The following PAPPA variants were observed in gnomAD, a reference collection of about 807,000 sequenced individuals.
The protein encoded by PAPPA is pappalysin 1.
PAPPA carries 60 observed loss-of-function variants against 164.0 expected under a neutral mutation model. That is an observed-to-expected ratio of 0.37 (90% CI 0.30 to 0.45). PAPPA has a LOEUF of 0.45. Among genes scored for constraint, PAPPA ranks in the 20% least tolerant of loss-of-function variants. The pLI, the probability that PAPPA is intolerant of heterozygous loss-of-function variation, is 1.00. For synonymous variants in PAPPA, 875 were observed against 814.1 expected (o/e 1.07, Z -1.27); for missense variants, 1,782 against 2,087.3 (o/e 0.85, Z 2.85).
intron 1 of PAPPA, among the ~76,000 whole-genome samples, chr9:116,177,353 C>A (rs1843849497): frequency 6.6e-6 from 1 of 152,184 alleles, no homozygotes; most frequent in Admixed American, 6.5e-5. Flanking sequence ...CCCTCACATG[C>A]ATTTCTTTAT....
chr9:116,317,655 A>G (rs1007049610), intron 10 of PAPPA, among the ~76,000 whole-genome samples: 3 of 152,214 alleles, frequency 2.0e-5, no homozygotes, highest in Admixed American at 1.3e-4. Context: ...CTGGTCCAGA[A>G]CTTAGAAGTG....
chr9:116,312,854 C>T (rs767358341), intron 10 of PAPPA, among the ~76,000 whole-genome samples: 3 of 152,008 alleles, frequency 2.0e-5, no homozygotes, highest in Non-Finnish European at 4.4e-5. Flanking sequence ...GAGGCCAGGG[C>T]AGGCGGATCA....
In PAPPA at chr9:116,368,337, G is replaced by GCACAGTT. The variant is rs1485667018; in HGVS notation, c.4605+584_4605+590dup. 2.0e-5 allele frequency among the ~76,000 whole-genome samples: 3 copies of GCACAGTT among 152,216 alleles called. No homozygotes were observed. The East Asian group carries it at 5.8e-4, about 29-fold the overall frequency. On this transcript the variant is annotated intron_variant, in intron 19 of 21. Transcript: ENST00000328252. ...GCACGAAGACTCCATTTTAGCCTCAGCACAGTTGTATGAGAGAAGGGTCAT... is the reference window on the plus strand; with the variant it reads ...GCACGAAGACTCCATTTTAGCCTCAGCACAGTTCACAGTTGTATGAGAGAAGGGTCAT...
intron 21 of PAPPA, among the ~76,000 whole-genome samples, chr9:116,394,645 G>A (rs1451511375): frequency 2.0e-5 from 3 of 152,172 alleles, no homozygotes; most frequent in African/African-American, 7.2e-5. Flanking sequence ...AAATATTCTA[G>A]ATTCTAGATG....
intron 19 of PAPPA, among the ~76,000 whole-genome samples, chr9:116,371,876 TCTC>T (rs1846579492): frequency 6.6e-6 from 1 of 152,212 alleles, no homozygotes; most frequent in Admixed American, 6.5e-5. Context: ...ACTGTTTTGT[TCTC>T]TATTGCTATG....
At chr9:116,228,156 A>G (rs893866357) in intron 6 of PAPPA, among the ~76,000 whole-genome samples, 4 of 152,248 alleles carry the variant, frequency 2.6e-5, no homozygotes, top group African/African-American at 7.2e-5. Context: ...CAAGGAACCA[A>G]TGATCTCTGT....
chr9:116,156,320 G>GTATATATATATGTGTATATATATATGTA (rs1843602642), intron 1 of PAPPA, among the ~76,000 whole-genome samples: 1 of 137,578 alleles, frequency 7.3e-6, no homozygotes, highest in African/African-American at 2.8e-5. Flanking sequence ...ATATATGTGT[G>GTATATATATATGTGTATATATATATGTA]TATATATATA....
chr9:116,396,303 C>T (rs1198445857), intron 21 of PAPPA, among the ~76,000 whole-genome samples: 1 of 152,178 alleles, frequency 6.6e-6, no homozygotes, highest in African/African-American at 2.4e-5. Flanking sequence ...TGACCCATAG[C>T]AAGTGCCTCT....
intron 20 of PAPPA, among the ~76,000 whole-genome samples, chr9:116,382,019 A>G (rs776514320): frequency 3.9e-5 from 6 of 152,184 alleles, no homozygotes; most frequent in Admixed American, 6.5e-5. Context: ...TACTGCTGAA[A>G]AAAGTGGGAG....
chr9:116,263,900 A>G (rs149609797), intron 7 of PAPPA, among the ~76,000 whole-genome samples: 33 of 152,330 alleles, frequency 2.2e-4, no homozygotes, highest in African/African-American at 7.9e-4. Flanking sequence ...CCAGAAGTGA[A>G]AAACACAATG....
rs1216560227 is a variant in PAPPA, at chr9:116,187,269, C to T, written c.531C>T (p.Asp177=). ...GCTACTTTTTCTCCTTGAAGACAGA[C>T]CGAGCCCGGCAAGTGACCACCATCA... ...DPRYFFSLKT[D]RARQVTTINA... is the part of the protein sequence containing the mutation. The change falls in exon 2 of 22, where the codon GAC becomes GAT. Residue 177 remains aspartate, a synonymous_variant. Transcript: ENST00000328252. This position sits in a 1 kb window ranked among gnomAD's most constrained non-coding sequence, Gnocchi z 4.2. The T allele has an allele frequency of 1.1e-5, 17 of 1,614,048 alleles. No individual in the cohort carries two copies. Among genetic ancestry groups the T allele is most frequent in the Non-Finnish European group, 1.4e-5 (16 of 1,180,050 alleles).
chr9:116,341,551 A>G (rs987775810), intron 13 of PAPPA, among the ~76,000 whole-genome samples: 1 of 152,126 alleles, frequency 6.6e-6, no homozygotes, highest in Non-Finnish European at 1.5e-5. Context: ...CTTTCCACCA[A>G]CTGTCACTAT....
chr9:116,198,708 A>G (rs912939690), intron 2 of PAPPA, among the ~76,000 whole-genome samples: 1 of 152,200 alleles, frequency 6.6e-6, no homozygotes, highest in Admixed American at 6.5e-5. Context: ...CTTGCCAGGA[A>G]CCAGGTGTTC....
Position 116,215,044 on chromosome 9 carries a change from A to G in PAPPA, c.1918+3112A>G, listed in dbSNP as rs187972635. Among the ~76,000 whole-genome samples the G allele has an allele frequency of 2.1e-4, 32 of 152,356 alleles. No homozygotes were observed. The East Asian group carries it at 4.8e-3, about 23-fold the overall frequency. The stretch of plus-strand genomic sequence containing the variant: ...TTAGAAACTGCTTACAAGCCTAAAG[A>G]TAATGCATTGCTGAAGTGAACTGCA... On this transcript the variant is annotated intron_variant, in intron 4 of 21. Transcript: ENST00000328252.
chr9:116,349,403 A>C (rs1396872431), intron 15 of PAPPA, among the ~76,000 whole-genome samples: 1 of 152,224 alleles, frequency 6.6e-6, no homozygotes, highest in Non-Finnish European at 1.5e-5. Flanking sequence ...CTATTCGCTC[A>C]GCAGTAGGCT....
At chr9:116,247,015 C>A (rs555245833) in intron 7 of PAPPA, among the ~76,000 whole-genome samples, 347 of 151,996 alleles carry the variant, frequency 2.3e-3, no homozygotes, top group Non-Finnish European at 3.9e-3. Flanking sequence ...CAGAGTGAGA[C>A]CCTGTCTCCA....
chr9:116,275,433 G>T (rs1845184969), intron 9 of PAPPA, among the ~76,000 whole-genome samples: 1 of 152,148 alleles, frequency 6.6e-6, no homozygotes, highest in Non-Finnish European at 1.5e-5. Flanking sequence ...GTCGTCTCTT[G>T]TTTCCGTATG....
At chr9:116,242,129 A>G (rs1192821737) in intron 7 of PAPPA, among the ~76,000 whole-genome samples, 1 of 152,156 alleles carries the variant, frequency 6.6e-6, no homozygotes, top group African/African-American at 2.4e-5. Context: ...AATGAAAAAT[A>G]TTATACTGCA....
chr9:116,262,734 G>C (rs1271685312), intron 7 of PAPPA, among the ~76,000 whole-genome samples: 1 of 152,178 alleles, frequency 6.6e-6, no homozygotes, highest in East Asian at 1.9e-4. Context: ...GCACAGGAGG[G>C]GAAGGAGTTC....
Sources: gnomAD v4.1 joint callset for allele counts (sites outside exome capture counted in the v4.1 genomes callset) on GRCh38, gnomAD v4.1.1 for gene constraint, Gnocchi (gnomAD v3.1) non-coding constraint, MANE v1.5 for transcripts, NCBI Gene and HGNC (gene_info 2026-07-23, HGNC 2026-07-21) for gene names.